The following CIC variants were observed in gnomAD, a reference collection of about 807,000 sequenced individuals.
CIC encodes the protein protein capicua homolog.
CIC carries 18 observed loss-of-function variants against 115.7 expected under a neutral mutation model. The observed-to-expected ratio is 0.16, with a 90% CI of 0.11 to 0.23. The LOEUF is 0.23. Among genes scored for constraint, CIC ranks in the 10% least tolerant of loss-of-function variants. CIC has a pLI of 1.00. For missense variants in CIC, 2,000 were observed against 2,159.3 expected (o/e 0.93, Z 1.46); for synonymous variants, 1,076 against 923.0 (o/e 1.17, Z -3.01).
At position 42,290,744 on chromosome 19, in the gene CIC, C is replaced by T. The variant is rs1448696129; in HGVS notation, c.4703C>T (p.Ala1568Val). Residue 1568 changes from alanine (A) to valine (V), a missense_variant, in exon 11 of 21, where the codon GCC becomes GTC. Ala to Val is a moderately conservative substitution (Grantham distance 64). Around this residue, in one of 8 missense-constraint regions of CIC, gnomAD observed 1,466 missense variants for 1,390.4 expected, o/e 1.05. Coordinates refer to ENST00000681038, the MANE Select transcript of CIC (RefSeq NM_001386298.1). ...SAPAPSLAYG[A>V]PAAPLSRPAA... ...CCCGCCCCATCACTGGCCTATGGGG[C>T]CCCAGCAGCTCCCCTGTCCCGTCCT... is the stretch of plus-strand genomic sequence containing the variant. 2.5e-6 allele frequency: 4 copies of T among 1,612,412 alleles called. No individual in the cohort carries two copies. The highest frequency in any genetic ancestry group is 3.4e-6 in the Non-Finnish European group (4 of 1,179,754).
At chr19:42,286,949 C>T in intron 3 of CIC, 29 bp downstream of exon 3, 1 of 1,608,686 alleles carries the variant, frequency 6.2e-7, no homozygotes, top group Non-Finnish European at 8.5e-7. Flanking sequence ...TGGGGGGAGG[C>T]AAGGGTGTGG....
At chr19:42,274,794 C>G (rs1021892804) in intron 2 of CIC, among the ~76,000 whole-genome samples, 1 of 152,178 alleles carries the variant, frequency 6.6e-6, no homozygotes, top group Non-Finnish European at 1.5e-5. Context: ...TGTCAGAGAA[C>G]GTGGTCTCAA....
chr19:42,286,591 A>T (rs540066492), intron 2 of CIC, among the ~76,000 whole-genome samples, 180 bp from the exon 3 acceptor site: 1 of 140,908 alleles, frequency 7.1e-6, no homozygotes, highest in East Asian at 2.1e-4. Flanking sequence ...AAATCTAGAA[A>T]CCTTTCAGGG....
intron 2 of CIC, among the ~76,000 whole-genome samples, chr19:42,278,374 G>A (rs2037074928): frequency 6.6e-6 from 1 of 152,204 alleles, no homozygotes; most frequent in African/African-American, 2.4e-5. Context: ...CTGTCTGGCG[G>A]TCTGGCTCTG....
In CIC at chr19:42,290,716, G is replaced by A. The variant is rs143994466; in HGVS notation, c.4675G>A (p.Ala1559Thr). 5 of 1,612,164 alleles carry A rather than the reference G, an allele frequency of 3.1e-6. No homozygotes were observed. The East Asian group carries it at 8.9e-5, about 29-fold the overall frequency. Residue 1559 changes from alanine to threonine, a missense_variant, in exon 11 of 21, where the codon GCC (alanine) becomes ACC (threonine). Physicochemically the swap from Ala to Thr is moderately conservative, Grantham distance 58. Around this residue, in one of 8 missense-constraint regions of CIC, gnomAD observed 1,466 missense variants for 1,390.4 expected, o/e 1.05. Coordinates refer to ENST00000681038, the MANE Select transcript of CIC (RefSeq NM_001386298.1). ...QEGGGARVPS[A>T]PAPSLAYGAP... ...GGGCGGCGGAGCCAGAGTGCCCTCC[G>A]CCCCCGCCCCATCACTGGCCTATGG... is the stretch of plus-strand genomic sequence containing the variant.
chr19:42,290,361 C>T lies in CIC; in HGVS notation c.4320C>T (p.Ala1440=), dbSNP rs199799457. 41 of 1,614,144 alleles carry T rather than the reference C, an allele frequency of 2.5e-5. No homozygotes were observed. Among genetic ancestry groups the T allele is most frequent in the Non-Finnish European group, 3.1e-5 (37 of 1,179,998 alleles). The change falls in exon 11 of 21, where the codon GCC becomes GCT. Residue 1440 remains alanine, a synonymous_variant. Transcript: ENST00000681038. ...CCTTTGGCAAAGGCTATGGTTCCGC[C>T]CCATCCTCCTCTGCGTCCTCGCCTG... ...PVAFGKGYGS[A]PSSSASSPAS...
Position 42,290,523 on chromosome 19 carries a change from C to T in CIC, c.4482C>T (p.Ser1494=), listed in dbSNP as rs1259660240. The change falls in exon 11 of 21, where the codon TCC becomes TCT. Residue 1494 remains serine, a synonymous_variant. Transcript: ENST00000681038. ...GGGCTGGGGGTCCAGCGACACCTTC[C>T]AAGGCAACCCGGTTCCTCCCAATGG... ...PPGAGGPATP[S]KATRFLPMDP... 2.5e-6 allele frequency: 4 copies of T among 1,613,368 alleles called. No individual in the cohort carries two copies. Among genetic ancestry groups the T allele is most frequent in the Non-Finnish European group, 3.4e-6 (4 of 1,179,912 alleles).
In CIC at chr19:42,270,080, G is replaced by A. The variant is rs1430627798; in HGVS notation, c.-11+699G>A. Among the ~76,000 whole-genome samples, 2 of 152,156 alleles carry A rather than the reference G, an allele frequency of 1.3e-5. No homozygotes were observed. On this transcript the variant is annotated intron_variant, in intron 1 of 20. Transcript: ENST00000681038. This position sits in a 1 kb window ranked among gnomAD's most constrained non-coding sequence, Gnocchi z 4.1. ...GGCAGCAAGGTCTAGGGGTCCAGGC[G>A]GCATAGTTGTAGGCCCTGGGTGGGG... is the stretch of plus-strand genomic sequence containing the variant.
rs2147280940 is a variant in CIC, at chr19:42,291,658, G to C, written c.5526G>C (p.Val1842=). The change falls in exon 12 of 21, where the codon GTG becomes GTC. Residue 1842 remains valine, a synonymous_variant. Coordinates refer to ENST00000681038, the MANE Select transcript of CIC (RefSeq NM_001386298.1). ...CTCTGGCCGCCCCTAGCATGTCAGT[G>C]CGGGGTGGAGGGGCCGGCCAGCCAC... ...LVPLAAPSMS[V]RGGGAGQPLP... is the part of the protein sequence containing the mutation. The C allele has an allele frequency of 6.2e-7, 1 of 1,613,024 alleles. No individual in the cohort carries two copies. Among genetic ancestry groups the C allele is most frequent in the South Asian group, 1.1e-5 (1 of 91,080 alleles).
rs1238396848 is a variant in CIC at position 42,286,961 on chromosome 19, G to A, written c.2944+41G>A. The stretch of plus-strand genomic sequence containing the variant: ...GACTGGGGGGAGGCAAGGGTGTGGG[G>A]TCCAGGTGGCCTAGGAGCCCTCTGA... On this transcript the variant is annotated intron_variant, in intron 3 of 20. Transcript: ENST00000681038. 3.7e-6 allele frequency: 6 copies of A among 1,608,034 alleles called. No homozygotes were observed. The South Asian group carries it at 5.5e-5, about 15-fold the overall frequency.
rs2038088537 is a variant in CIC, at chr19:42,291,390, C to T, written c.5349C>T (p.Gly1783=). 2 of 1,612,564 alleles carry T rather than the reference C, an allele frequency of 1.2e-6. No homozygotes were observed. Among genetic ancestry groups the T allele is most frequent in the Non-Finnish European group, 1.7e-6 (2 of 1,179,760 alleles). ...FTLPPGTSTN[G]KVLAATAPTP... ...TCCCACCGGGCACTTCCACCAACGGCAAAGTCCTGGCTGCCACTGCACCCA... is the reference window on the plus strand; with the variant it reads ...TCCCACCGGGCACTTCCACCAACGGTAAAGTCCTGGCTGCCACTGCACCCA... The change falls in exon 11 of 21, where the codon GGC becomes GGT. Residue 1783 remains glycine (G), a synonymous_variant. Coordinates refer to ENST00000681038, the MANE Select transcript of CIC (RefSeq NM_001386298.1).
chr19:42,278,631 C>T (rs1486509338), intron 2 of CIC, among the ~76,000 whole-genome samples: 2 of 152,144 alleles, frequency 1.3e-5, no homozygotes, highest in African/African-American at 4.8e-5. Context: ...GGCCCTCCTA[C>T]TCCCACTCTT....
rs957390179 is a variant in CIC at position 42,272,817 on chromosome 19, C to G, written c.1034C>G (p.Pro345Arg). The G allele has an allele frequency of 1.3e-5, 5 of 399,154 alleles. No individual in the cohort carries two copies. The highest frequency in any genetic ancestry group is 2.2e-5 in the Non-Finnish European group (5 of 226,502). 24.7% of individuals were successfully genotyped at this position (399,154 alleles called of 1,614,324 possible). A position where few individuals can be genotyped will look rare whatever the true frequency, so the allele number is the denominator to read the frequency against. The change falls in exon 2 of 21, where the codon CCT becomes CGT. Residue 345 changes from proline (P) to arginine (R), a missense_variant. By Grantham distance (103) the Pro-to-Arg change is moderately radical. Transcript: ENST00000681038. ...CGCCTGCTGCGCCCCCCCTGGGAAC[C>G]TGAGACCATGCTGAGGAAGCCCCCT... Reference protein sequence around the residue: ...SLRLLRPPWEPETMLRKPPTG... With the variant: ...SLRLLRPPWERETMLRKPPTG...
At chr19:42,294,379 TGA>T in intron 19 of CIC, 75 bp downstream of exon 19, 2 of 1,598,132 alleles carry the variant, frequency 1.3e-6, no homozygotes, top group African/African-American at 1.3e-5. Context: ...GGTTAGAGAG[TGA>T]GAGAGGTAGG....
At chr19:42,286,943 G>A in intron 3 of CIC, 23 bp downstream of exon 3, 1 of 1,608,962 alleles carries the variant, frequency 6.2e-7, no homozygotes, top group Non-Finnish European at 8.5e-7. Context: ...GGGGACTGGG[G>A]GGAGGCAAGG....
At position 42,290,018 on chromosome 19, in the gene CIC, C is replaced by T. The variant is rs927052167; in HGVS notation, c.4191+67C>T. 1.0e-5 allele frequency: 15 copies of T among 1,477,398 alleles called. No individual in the cohort carries two copies. In the Admixed American group the frequency reaches 2.2e-4, roughly 22 times the overall value. 91.5% of individuals were successfully genotyped at this position (1,477,398 alleles called of 1,614,324 possible). ...CTAAGCCATGGGAATGTCTGTTTCT[C>T]CCGGGCTTGAGAGAGGGGGAGATTA... On this transcript the variant is annotated intron_variant, in intron 10 of 20. Transcript: ENST00000681038.
rs1344594931 is a variant in CIC, at chr19:42,295,068, G to A, written c.7431G>A (p.Thr2477=). Residue 2477 remains threonine (T), a synonymous_variant, in exon 21 of 21, where the codon ACG becomes ACA. Transcript: ENST00000681038. The stretch of plus-strand genomic sequence containing the variant: ...CCTCACCCAGCTCGGACTCTGGCAC[G>A]GCCCAGGCTGCCCCGCCACTGCCTC... ...DPTSPSSDSG[T]AQAAPPLPPP... is the part of the protein sequence containing the mutation. The A allele has an allele frequency of 1.8e-5, 28 of 1,520,220 alleles. No homozygotes were observed. Among genetic ancestry groups the A allele is most frequent in the Admixed American group, 4.0e-5 (2 of 49,790 alleles). The allele number at this position is 1,520,220 out of a possible 1,614,324, so 94.2% of individuals were successfully genotyped here.
Position 42,274,289 on chromosome 19 carries a change from G to A in CIC, c.2506G>A (p.Ala836Thr), listed in dbSNP as rs937764524. ...GEVGTAGEVR[A>T]GGPGRGCRET... ...GGTGGGCACTGCTGGTGAGGTGCGGGCTGGGGGACCTGGGCGGGGCTGCCG... is the reference window on the plus strand; with the variant it reads ...GGTGGGCACTGCTGGTGAGGTGCGGACTGGGGGACCTGGGCGGGGCTGCCG... The change falls in exon 2 of 21, where the codon GCT becomes ACT. Residue 836 changes from alanine (A) to threonine (T), a missense_variant. This residue lies in a region of CIC where 222 missense variants were observed against 247.7 expected (regional missense o/e 0.90). Coordinates refer to ENST00000681038, the MANE Select transcript of CIC (RefSeq NM_001386298.1). 3.3e-5 allele frequency: 13 copies of A among 398,732 alleles called. No individual in the cohort carries two copies. Among genetic ancestry groups the A allele is most frequent in the Non-Finnish European group, 5.3e-5 (12 of 226,226 alleles). The allele number at this position is 398,732 out of a possible 1,614,324, so 24.7% of individuals were successfully genotyped here.
In CIC at chr19:42,289,210, C is replaced by G; in HGVS notation, c.3891C>G (p.Gly1297=). 1 of 1,613,328 alleles carries G rather than the reference C, an allele frequency of 6.2e-7. No homozygotes were observed. The highest frequency in any genetic ancestry group is 8.5e-7 in the Non-Finnish European group (1 of 1,180,030). ...QMVSGPASYS[G]PKPSTQYGAP... ...TGTCTGGCCCTGCATCGTACTCTGGCCCAAAGCCTTCTACCCAGTATGGAG... is the reference window on the plus strand; with the variant it reads ...TGTCTGGCCCTGCATCGTACTCTGGGCCAAAGCCTTCTACCCAGTATGGAG... Residue 1297 remains glycine (G), a synonymous_variant, in exon 9 of 21, where the codon GGC becomes GGG. Transcript: ENST00000681038.
Sources: gnomAD v4.1 joint callset for allele counts (sites outside exome capture counted in the v4.1 genomes callset) on GRCh38, gnomAD v4.1.1 for gene constraint, gnomAD v4.1.1 regional missense constraint, Gnocchi (gnomAD v3.1) non-coding constraint, MANE v1.5 for transcripts, NCBI Gene and HGNC (gene_info 2026-07-23, HGNC 2026-07-21) for gene names.